Variants in ZNF521 observed in about 807,000 individuals in gnomAD.
ZNF521 encodes LYST-interacting protein 3.
In ZNF521, 14 loss-of-function variants were observed where a neutral mutation model predicts 105.5. The ratio of observed to expected loss-of-function variants is 0.13; its 90% confidence interval spans 0.09 to 0.21. The LOEUF (loss-of-function observed/expected upper bound fraction) is 0.21. Among genes scored for constraint, ZNF521 ranks in the 10% least tolerant of loss-of-function variants. The probability of loss-of-function intolerance (pLI) is 1.00; values close to 1 mark genes in which losing one functional copy is unlikely to be tolerated. For missense variants in ZNF521, 1,233 were observed against 1,629.7 expected, an observed-to-expected ratio of 0.76 and a Z score of 4.19; for synonymous variants, 635 against 606.0, an observed-to-expected ratio of 1.05 and a Z score of -0.70.
intron 5 of ZNF521, among the ~76,000 whole-genome samples, chr18:25,107,693 C>T (rs997952460): frequency 3.9e-5 from 6 of 152,178 alleles, no homozygotes; most frequent in Admixed American, 6.5e-5. Context: ...TCAGAGGGAA[C>T]TGATTTTCAG....
intron 5 of ZNF521, among the ~76,000 whole-genome samples, chr18:25,107,674 G>T (rs80295701): frequency 1.3e-5 from 2 of 152,218 alleles, no homozygotes; most frequent in South Asian, 4.1e-4. Flanking sequence ...TGCAGACTGC[G>T]GTAATAATTC....
At chr18:25,212,013 T>C (rs1427223993) in intron 4 of ZNF521, among the ~76,000 whole-genome samples, 1 of 152,190 alleles carries the variant, frequency 6.6e-6, no homozygotes, top group Non-Finnish European at 1.5e-5. Context: ...AATATCCTTT[T>C]TGGAGAAATC....
chr18:25,226,938 C>G lies in ZNF521; in HGVS notation c.980G>C (p.Ser327Thr), dbSNP rs780700870. 12 of 1,613,952 alleles carry G rather than the reference C, an allele frequency of 7.4e-6. No homozygotes were observed. In the Admixed American group the frequency reaches 2.0e-4, roughly 27 times the overall value. The change falls in exon 4 of 8, where the codon AGC (serine) becomes ACC (threonine). Residue 327 changes from serine to threonine, a missense_variant. Physicochemically the swap from Ser to Thr is moderately conservative, Grantham distance 58. Around this residue, in one of 6 missense-constraint regions of ZNF521, gnomAD observed 380 missense variants for 478.0 expected, o/e 0.80. Coordinates refer to ENST00000361524, the MANE Select transcript of ZNF521 (RefSeq NM_015461.3). The surrounding 1 kb of genome is among the most constrained non-coding windows in gnomAD (Gnocchi z 4.1). ...ESFHTVEELY[S>T]HMDSHQQPES... ...CGGTTGCTGGTGACTGTCCATGTGG[C>G]TGTACAGTTCCTCAACTGTGTGGAA...
In ZNF521 at chr18:25,346,063, A is replaced by C. The variant is rs76889521; in HGVS notation, c.40+4844T>G. On this transcript the variant is annotated intron_variant, in intron 2 of 7. Coordinates refer to ENST00000361524, the MANE Select transcript of ZNF521 (RefSeq NM_015461.3). ...TTAGGTTAAAATCTAATCATGAAAA[A>C]AGGGAGTCACAACCTATCTAAAAAT... Among the ~76,000 whole-genome samples, 202 of 152,298 alleles carry C rather than the reference A, an allele frequency of 1.3e-3. 2 individuals carry two copies. In the East Asian group the frequency reaches 0.029, roughly 22 times the overall value.
At chr18:25,297,231 T>G (rs575907941) in intron 3 of ZNF521, among the ~76,000 whole-genome samples, 1 of 151,908 alleles carries the variant, frequency 6.6e-6, no homozygotes, top group East Asian at 1.9e-4. Context: ...TGTAACACAC[T>G]AGATATACGT....
At chr18:25,068,299 G>A (rs923360547) in intron 7 of ZNF521, among the ~76,000 whole-genome samples, 5 of 152,120 alleles carry the variant, frequency 3.3e-5, no homozygotes, top group Non-Finnish European at 5.9e-5. Context: ...ACAAACATCC[G>A]TAATCAATCA....
chr18:25,123,081 T>C (rs2034473253), intron 5 of ZNF521, among the ~76,000 whole-genome samples: 1 of 151,758 alleles, frequency 6.6e-6, no homozygotes, highest in Admixed American at 6.6e-5. Flanking sequence ...ATTCCTCTAT[T>C]TGGGGTTTGG....
chr18:25,350,932 C>T lies in ZNF521; in HGVS notation c.15G>A (p.Lys5=). 6.4e-7 allele frequency: 1 copy of T among 1,551,092 alleles called. No individual in the cohort carries two copies. The highest frequency in any genetic ancestry group is 1.2e-5 in the South Asian group (1 of 84,082). The part of the protein sequence containing the change: MSRR[K]QAKPRSLKDP... Reference sequence around the variant, plus strand: ...CTTTGAGGGATCTCGGTTTCGCTTGCTTGCGGCGAGACATCCTAAAAGCAA... The same window carrying T: ...CTTTGAGGGATCTCGGTTTCGCTTGTTTGCGGCGAGACATCCTAAAAGCAA... Residue 5 remains lysine (K), a synonymous_variant, in exon 2 of 8, where the codon AAG becomes AAA. Transcript: ENST00000361524.
At chr18:25,076,552 G>A (rs2033366943) in intron 7 of ZNF521, among the ~76,000 whole-genome samples, 1 of 152,196 alleles carries the variant, frequency 6.6e-6, no homozygotes, top group Non-Finnish European at 1.5e-5. Context: ...TTTTGGTGAA[G>A]GTAAGTTTGT....
At chr18:25,237,225 G>T (rs1398052796) in intron 3 of ZNF521, among the ~76,000 whole-genome samples, 3 of 152,134 alleles carry the variant, frequency 2.0e-5, no homozygotes, top group Admixed American at 6.5e-5. Context: ...TAAATGTTCA[G>T]AATAGACTAA....
intron 5 of ZNF521, among the ~76,000 whole-genome samples, chr18:25,117,534 A>T (rs879389115): frequency 6.6e-6 from 1 of 152,182 alleles, no homozygotes; most frequent in African/African-American, 2.4e-5. Context: ...AAAGGAAAAT[A>T]TATTCTTCAT....
intron 7 of ZNF521, among the ~76,000 whole-genome samples, chr18:25,076,854 CAG>C (rs1189983102): frequency 2.6e-5 from 4 of 152,224 alleles, no homozygotes; most frequent in Non-Finnish European, 5.9e-5. Flanking sequence ...AAAGTTAACA[CAG>C]AGGCCTGGGA....
At chr18:25,169,447 A>T (rs1373647445) in intron 5 of ZNF521, among the ~76,000 whole-genome samples, 1 of 152,302 alleles carries the variant, frequency 6.6e-6, no homozygotes, top group East Asian at 1.9e-4. Flanking sequence ...CAGGTCTGGT[A>T]CAGGCCCAGA....
chr18:25,237,959 G>A (rs1028131272), intron 3 of ZNF521, among the ~76,000 whole-genome samples: 6 of 152,150 alleles, frequency 3.9e-5, no homozygotes, highest in African/African-American at 1.4e-4. Flanking sequence ...TGAGAAATGT[G>A]GGCCTTTAGG....
intron 3 of ZNF521, among the ~76,000 whole-genome samples, chr18:25,317,278 T>A (rs778842272): frequency 2.6e-5 from 4 of 152,128 alleles, no homozygotes; most frequent in Non-Finnish European, 4.4e-5. Flanking sequence ...AAAATGTAAC[T>A]CATAATCTTT....
intron 3 of ZNF521, among the ~76,000 whole-genome samples, chr18:25,265,213 T>C (rs1016949909): frequency 5.9e-5 from 9 of 152,220 alleles, no homozygotes; most frequent in Non-Finnish European, 1.2e-4. Context: ...CTGATGTTAC[T>C]TAACTCCAGT....
At chr18:25,087,657 T>G (rs1360285468) in intron 7 of ZNF521, among the ~76,000 whole-genome samples, 1 of 152,242 alleles carries the variant, frequency 6.6e-6, no homozygotes, top group African/African-American at 2.4e-5. Context: ...TTGATACCTA[T>G]GCAATAAAAA....
intron 7 of ZNF521, among the ~76,000 whole-genome samples, chr18:25,074,478 T>C (rs1388462756): frequency 6.6e-6 from 1 of 152,166 alleles, no homozygotes; most frequent in African/African-American, 2.4e-5. Context: ...TTGTGTATTG[T>C]TGAAAATTTC....
intron 7 of ZNF521, among the ~76,000 whole-genome samples, chr18:25,075,781 A>G (rs1414832436): frequency 6.6e-6 from 1 of 152,244 alleles, no homozygotes; most frequent in Non-Finnish European, 1.5e-5. Flanking sequence ...CGCACGGCGC[A>G]GGAGAAAAGT....
Sources: gnomAD v4.1 joint callset for allele counts (sites outside exome capture counted in the v4.1 genomes callset) on GRCh38, gnomAD v4.1.1 for gene constraint, gnomAD v4.1.1 regional missense constraint, Gnocchi (gnomAD v3.1) non-coding constraint, MANE v1.5 for transcripts, NCBI Gene and HGNC (gene_info 2026-07-23, HGNC 2026-07-21) for gene names.